Variants in PRICKLE1 observed in about 807,000 individuals in gnomAD.
PRICKLE1 encodes prickle planar cell polarity protein 1.
A neutral mutation model predicts 70.2 loss-of-function variants in PRICKLE1; 14 were observed. That is an observed-to-expected ratio of 0.20 (90% CI 0.13 to 0.31). The LOEUF (loss-of-function observed/expected upper bound fraction) is 0.31, where lower values mean the gene tolerates loss of function less well. Ranked by LOEUF, PRICKLE1 falls within the 10% of genes least tolerant of loss-of-function variation. The pLI, the probability that PRICKLE1 is intolerant of heterozygous loss-of-function variation, is 1.00. For missense variants in PRICKLE1, 821 were observed against 1,026.2 expected (o/e 0.80, Z 2.73); for synonymous variants, 357 against 379.9 (o/e 0.94, Z 0.70).
chr12:42,526,306 ATGCTTGTATGCTGATGCAATAAGT>A, intron 1 of PRICKLE1, among the ~76,000 whole-genome samples: 1 of 152,096 alleles, frequency 6.6e-6, no homozygotes, highest in Non-Finnish European at 1.5e-5. Flanking sequence ...GGACAACTGT[ATGCTTGTATGCTGATGCAATAAGT>A]TACAGAATGG....
At chr12:42,523,000 C>T (rs1295218206) in intron 1 of PRICKLE1, among the ~76,000 whole-genome samples, 7 of 149,026 alleles carry the variant, frequency 4.7e-5, no homozygotes, top group Non-Finnish European at 1.0e-4. Context: ...CCCGCTCTGT[C>T]GCCCAGGCTG....
chr12:42,530,680 A>ATTTTTTTTTTTTTTTTTTTTTTTT (rs34675637), intron 1 of PRICKLE1, among the ~76,000 whole-genome samples: 2 of 97,100 alleles, frequency 2.1e-5, no homozygotes, highest in African/African-American at 4.0e-5. Context: ...TTATCAAATA[A>ATTTTTTTTTTTTTTTTTTTTTTTT]TTTTTTTTTT....
At chr12:42,545,664 A>G (rs1940194605) in intron 1 of PRICKLE1, among the ~76,000 whole-genome samples, 1 of 151,966 alleles carries the variant, frequency 6.6e-6, no homozygotes, top group African/African-American at 2.4e-5. Context: ...GCCTGGCCAA[A>G]ATGGTGAAAC....
At chr12:42,572,565 G>A (rs1940735957) in intron 1 of PRICKLE1, among the ~76,000 whole-genome samples, 1 of 152,088 alleles carries the variant, frequency 6.6e-6, no homozygotes, top group Non-Finnish European at 1.5e-5. Context: ...GCTCAAGCTT[G>A]TAATTCTAGC....
intron 1 of PRICKLE1, among the ~76,000 whole-genome samples, chr12:42,499,169 A>C (rs981012699): frequency 3.3e-5 from 5 of 152,250 alleles, no homozygotes; most frequent in African/African-American, 9.6e-5. Flanking sequence ...TACATTTAAA[A>C]AAAAATCCTT....
chr12:42,553,747 T>A (rs1940366644), intron 1 of PRICKLE1, among the ~76,000 whole-genome samples: 1 of 152,156 alleles, frequency 6.6e-6, no homozygotes, highest in African/African-American at 2.4e-5. Flanking sequence ...CTGGTTCTGC[T>A]GCTTACACCA....
At chr12:42,565,254 G>A (rs1388379188) in intron 1 of PRICKLE1, among the ~76,000 whole-genome samples, 1 of 152,164 alleles carries the variant, frequency 6.6e-6, no homozygotes, top group African/African-American at 2.4e-5. Context: ...TTTAAAACAG[G>A]GGTTCCTCAA....
intron 1 of PRICKLE1, among the ~76,000 whole-genome samples, chr12:42,494,322 G>C (rs1307944431): frequency 1.3e-5 from 2 of 152,222 alleles, no homozygotes; most frequent in African/African-American, 4.8e-5. Context: ...ATGTGATGCT[G>C]TTTGGTAGCA....
At chr12:42,518,104 T>A (rs2120450135) in intron 1 of PRICKLE1, among the ~76,000 whole-genome samples, 1 of 67,886 alleles carries the variant, frequency 1.5e-5, no homozygotes, top group African/African-American at 3.0e-5. Context: ...TTTCTGAGGA[T>A]TTTTTTTTTT....
intron 1 of PRICKLE1, among the ~76,000 whole-genome samples, chr12:42,541,494 C>T (rs2600936): frequency 0.44 from 66,515 of 151,690 alleles, 15,074 homozygotes; most frequent in African/African-American, 0.53. Flanking sequence ...CACACTGCCA[C>T]GCCCAGCTAA....
At chr12:42,563,194 A>AT (rs545085998) in intron 1 of PRICKLE1, among the ~76,000 whole-genome samples, 1 of 151,430 alleles carries the variant, frequency 6.6e-6, no homozygotes, top group Non-Finnish European at 1.5e-5. Flanking sequence ...AAAAAAAAAA[A>AT]TTTTTTTTGA....
rs74541886 is a variant in PRICKLE1, at chr12:42,513,975, C to T, written c.-48-41411G>A. 7.1e-3 allele frequency among the ~76,000 whole-genome samples: 1,087 copies of T among 152,096 alleles called. 80 individuals carry two copies. In the East Asian group the frequency reaches 0.16, roughly 23 times the overall value. On this transcript the variant is annotated intron_variant, in intron 1 of 7. Transcript: ENST00000345127. The stretch of plus-strand genomic sequence containing the variant: ...TTGCACTATTGCACTCCAGCCTGGG[C>T]GACAAGAGTGAAACTCTGCCTCCAA...
At chr12:42,549,342 A>C (rs968061426) in intron 1 of PRICKLE1, among the ~76,000 whole-genome samples, 1 of 152,202 alleles carries the variant, frequency 6.6e-6, no homozygotes, top group African/African-American at 2.4e-5. Context: ...AATTCGCATG[A>C]CTACAACATA....
chr12:42,555,226 C>A (rs1001634813), intron 1 of PRICKLE1, among the ~76,000 whole-genome samples: 1 of 152,078 alleles, frequency 6.6e-6, no homozygotes, highest in Non-Finnish European at 1.5e-5. Context: ...ATCACTTGAT[C>A]CTGGGAGGCA....
chr12:42,539,112 A>G (rs1940063168), intron 1 of PRICKLE1, among the ~76,000 whole-genome samples: 2 of 152,364 alleles, frequency 1.3e-5, no homozygotes, highest in South Asian at 4.1e-4. Context: ...TCCTGAAAGT[A>G]CAAAAACTTG....
intron 1 of PRICKLE1, among the ~76,000 whole-genome samples, chr12:42,498,485 T>C (rs1434956008): frequency 6.6e-6 from 1 of 152,118 alleles, no homozygotes; most frequent in Non-Finnish European, 1.5e-5. Context: ...CATTTTCTTT[T>C]AAAATCTCTT....
At chr12:42,489,866 G>A (rs1366301880) in intron 1 of PRICKLE1, 1 of 152,122 alleles carries the variant, frequency 6.6e-6, no homozygotes, top group Non-Finnish European at 1.5e-5. Context: ...TAGTGGGACA[G>A]GGGCTGTCTG....
At chr12:42,479,486 T>C (rs535002721) in intron 1 of PRICKLE1, among the ~76,000 whole-genome samples, 2 of 152,354 alleles carry the variant, frequency 1.3e-5, no homozygotes, top group African/African-American at 4.8e-5. Context: ...AATTCAAGTA[T>C]GGCCTTATTC....
At chr12:42,491,287 T>C (rs955070863) in intron 1 of PRICKLE1, among the ~76,000 whole-genome samples, 3 of 151,244 alleles carry the variant, frequency 2.0e-5, no homozygotes, top group Non-Finnish European at 2.9e-5. Flanking sequence ...GCGCGGTAGC[T>C]CACATCTGTA....
Sources: allele counts gnomAD v4.1 joint callset (sites outside exome capture counted in the v4.1 genomes callset), GRCh38; gene constraint gnomAD v4.1.1; transcripts MANE v1.5; gene names NCBI Gene and HGNC (gene_info 2026-07-23, HGNC 2026-07-21).